ABCA5: variants seen among roughly 807,000 people sequenced by gnomAD.
The protein encoded by ABCA5 is cholesterol transporter ABCA5.
A neutral mutation model predicts 206.0 loss-of-function variants in ABCA5; 163 were observed. That is an observed-to-expected ratio of 0.79 (90% CI 0.70 to 0.90). ABCA5 has a LOEUF of 0.90. Among genes scored for constraint, ABCA5 ranks in the 40% least tolerant of loss-of-function variants. The pLI, the probability that ABCA5 is intolerant of heterozygous loss-of-function variation, is 0.00. For synonymous variants in ABCA5, 609 were observed against 613.8 expected (o/e 0.99, Z 0.11); for missense variants, 1,859 against 1,912.9 (o/e 0.97, Z 0.53).
At chr17:69,281,937 G>A (rs192233672) in intron 18 of ABCA5, among the ~76,000 whole-genome samples, 160 of 152,242 alleles carry the variant, frequency 1.1e-3, no homozygotes, top group Middle Eastern at 3.4e-3. Context: ...TTTAACAACT[G>A]TGAACTAACA....
At chr17:69,263,759 C>A (rs540231788) in intron 24 of ABCA5, among the ~76,000 whole-genome samples, 5 of 133,396 alleles carry the variant, frequency 3.7e-5, no homozygotes, top group East Asian at 4.7e-4. Flanking sequence ...TGCAGTAGCA[C>A]GATCTTGGCT....
rs1241947765 is a variant in ABCA5 at position 69,326,149 on chromosome 17, TTAA to T, written c.-16+900_-16+902del. Among the ~76,000 whole-genome samples the T allele has an allele frequency of 6.6e-6, 1 of 152,206 alleles. No individual in the cohort carries two copies. The highest frequency in any genetic ancestry group is 1.5e-5 in the Non-Finnish European group (1 of 68,034). ...CTCCATCCTTTTACTAGCTGAGACC[TTAA>T]TAAGTTACTTAACCTCTTTGAGGCC... On this transcript the variant is annotated intron_variant, in intron 1 of 38. Coordinates refer to ENST00000392676, the MANE Select transcript of ABCA5 (RefSeq NM_172232.4). The surrounding 1 kb of genome is among the most constrained non-coding windows in gnomAD (Gnocchi z 4.8).
chr17:69,259,889 A>C, intron 27 of ABCA5, 92 bp from the exon 28 acceptor site: 1 of 628,726 alleles, frequency 1.6e-6, no homozygotes. Context: ...GACTACATAC[A>C]TCAAGTTCCT....
chr17:69,256,869 G>C (rs1224331002), intron 28 of ABCA5, among the ~76,000 whole-genome samples: 4 of 151,928 alleles, frequency 2.6e-5, no homozygotes, highest in Non-Finnish European at 5.9e-5. Context: ...TACACAGAAA[G>C]AAAGATGAAA....
intron 22 of ABCA5, chr17:69,268,745 A>C (rs57949169): frequency 6.6e-6 from 1 of 151,988 alleles, no homozygotes; most frequent in Non-Finnish European, 1.5e-5. Flanking sequence ...GGTACTCTGC[A>C]CTGGAATAGA....
intron 35 of ABCA5, 104 bp from the exon 36 acceptor site, chr17:69,250,725 A>G (rs1200151845): frequency 2.5e-6 from 2 of 812,956 alleles, no homozygotes; most frequent in African/African-American, 1.8e-5. Context: ...CTTTATATTT[A>G]GAGAAAAATT....
At position 69,247,583 on chromosome 17, in the gene ABCA5, C is replaced by T. The variant is rs1188857013; in HGVS notation, c.4883G>A (p.Ser1628Asn). 1.2e-6 allele frequency: 2 copies of T among 1,610,714 alleles called. No homozygotes were observed. Among genetic ancestry groups the T allele is most frequent in the African/African-American group, 2.7e-5 (2 of 74,764 alleles). ...EEDNSCGTLN[S>N]TLWWERTQED... Reference sequence around the variant, plus strand: ...TTGTGTTCGTTCCCACCAAAGTGTGCTGTTTAAAGTTCCACAACTATTATC... The same window carrying T: ...TTGTGTTCGTTCCCACCAAAGTGTGTTGTTTAAAGTTCCACAACTATTATC... Residue 1628 changes from serine (S) to asparagine (N), a missense_variant, in exon 39 of 39, where the codon AGC (serine) becomes AAC (asparagine). Ser to Asn is a conservative substitution (Grantham distance 46, BLOSUM62 1). Transcript: ENST00000392676.
At chr17:69,301,818 T>C (rs997946541) in intron 8 of ABCA5, among the ~76,000 whole-genome samples, 1 of 152,176 alleles carries the variant, frequency 6.6e-6, no homozygotes, top group African/African-American at 2.4e-5. Context: ...GTCCTAGCCC[T>C]GCCATTAAGT....
chr17:69,309,916 A>G (rs575425660), intron 3 of ABCA5, among the ~76,000 whole-genome samples: 1 of 152,280 alleles, frequency 6.6e-6, no homozygotes, highest in African/African-American at 2.4e-5. Context: ...TGTTGCAGAC[A>G]CTACTCAGCT....
intron 9 of ABCA5, among the ~76,000 whole-genome samples, chr17:69,298,257 A>AAGGAAGGAAGGC (rs2075608175): frequency 7.6e-6 from 1 of 130,906 alleles, no homozygotes; most frequent in African/African-American, 2.9e-5. Flanking sequence ...GGAAGGAAGG[A>AAGGAAGGAAGGC]AGGAAGGAAG....
chr17:69,251,946 T>C (rs1452781400), intron 34 of ABCA5, 80 bp from the exon 35 acceptor site: 3 of 1,513,268 alleles, frequency 2.0e-6, no homozygotes, highest in Non-Finnish European at 2.7e-6. Flanking sequence ...ATCCAACCGG[T>C]TGGTTAATTA....
At chr17:69,265,788 C>A (rs1023128930) in intron 23 of ABCA5, among the ~76,000 whole-genome samples, 3 of 152,124 alleles carry the variant, frequency 2.0e-5, no homozygotes, top group Non-Finnish European at 2.9e-5. Flanking sequence ...AAGGCAAATG[C>A]AATTATTTTG....
Position 69,247,460 on chromosome 17 carries a change from TA to T in ABCA5, c.*76del. 1 of 996,684 alleles carries T rather than the reference TA, an allele frequency of 1.0e-6. No individual in the cohort carries two copies. The highest frequency in any genetic ancestry group is 1.5e-6 in the Non-Finnish European group (1 of 667,700). 61.7% of individuals were successfully genotyped at this position (996,684 alleles called of 1,614,324 possible). A position where few individuals can be genotyped will look rare whatever the true frequency, so the allele number is the denominator to read the frequency against. The stretch of plus-strand genomic sequence containing the variant: ...CTTGGTTCTCCAGTTACCATTCCAA[TA>T]AAAAACTTTTTAAACCAAAGTTAAA... On this transcript the variant is annotated 3_prime_UTR_variant, in exon 39 of 39. Coordinates refer to ENST00000392676, the MANE Select transcript of ABCA5 (RefSeq NM_172232.4).
chr17:69,324,445 T>C (rs1413400576), intron 1 of ABCA5, among the ~76,000 whole-genome samples: 1 of 152,232 alleles, frequency 6.6e-6, no homozygotes, highest in African/African-American at 2.4e-5. Context: ...GATAACACGG[T>C]AAAGGCAGGC....
intron 12 of ABCA5, 46 bp downstream of exon 12, chr17:69,291,170 G>T (rs2144984598): frequency 1.6e-6 from 2 of 1,280,754 alleles, no homozygotes; most frequent in Non-Finnish European, 2.1e-6. Context: ...CACATTTAAA[G>T]AATATATATA....
intron 9 of ABCA5, 113 bp from the exon 10 acceptor site, chr17:69,297,472 A>T: frequency 1.2e-6 from 1 of 859,088 alleles, no homozygotes; most frequent in Non-Finnish European, 1.8e-6. Flanking sequence ...ATTCCGCAAC[A>T]TATATATATT....
At chr17:69,253,254 T>C (rs1490246953) in intron 34 of ABCA5, among the ~76,000 whole-genome samples, 1 of 152,198 alleles carries the variant, frequency 6.6e-6, no homozygotes, top group Admixed American at 6.5e-5. Flanking sequence ...ACTATTATTA[T>C]GGAAAAGATC....
intron 35 of ABCA5, chr17:69,250,836 C>T (rs1467622656): frequency 3.3e-6 from 1 of 299,588 alleles, no homozygotes; most frequent in African/African-American, 2.2e-5. Flanking sequence ...AACTGAGACA[C>T]CGACATTGGT....
chr17:69,252,239 C>T (rs925638584), intron 34 of ABCA5, among the ~76,000 whole-genome samples: 4 of 152,056 alleles, frequency 2.6e-5, no homozygotes, highest in East Asian at 1.9e-4. Context: ...TGGTCTCGAT[C>T]TCCTGACCTC....
Sources: gnomAD v4.1 joint callset for allele counts (sites outside exome capture counted in the v4.1 genomes callset) on GRCh38, gnomAD v4.1.1 for gene constraint, Gnocchi (gnomAD v3.1) non-coding constraint, MANE v1.5 for transcripts, NCBI Gene and HGNC (gene_info 2026-07-23, HGNC 2026-07-21) for gene names.